Variants in ARHGEF17 observed in about 807,000 individuals in gnomAD.
ARHGEF17 encodes 164 kDa Rho-specific guanine-nucleotide exchange factor.
In ARHGEF17, 80 loss-of-function variants were observed where a neutral mutation model predicts 174.0. The ratio of observed to expected loss-of-function variants is 0.46; its 90% CI spans 0.38 to 0.55. The LOEUF is 0.55. Among genes scored for constraint, ARHGEF17 ranks in the 20% least tolerant of loss-of-function variants. The pLI, the probability that ARHGEF17 is intolerant of heterozygous loss-of-function variation, is 0.00. For synonymous variants in ARHGEF17, 1,311 were observed against 1,189.1 expected, an observed-to-expected ratio of 1.10 and a Z score of -2.11; for missense variants, 2,886 against 2,839.7, an observed-to-expected ratio of 1.02 and a Z score of -0.37.
chr11:73,354,607 C>G (rs572759054), intron 3 of ARHGEF17, among the ~76,000 whole-genome samples: 2 of 151,828 alleles, frequency 1.3e-5, no homozygotes, highest in Non-Finnish European at 2.9e-5. Context: ...CCAGCTACTC[C>G]GGAGGCTGAG....
intron 1 of ARHGEF17, among the ~76,000 whole-genome samples, chr11:73,325,697 T>G (rs1467084804): frequency 1.3e-5 from 2 of 152,208 alleles, no homozygotes; most frequent in Admixed American, 6.5e-5. Context: ...TGGAGTAGAT[T>G]GGGGCAGCCA....
chr11:73,362,097 G>A lies in ARHGEF17; in HGVS notation c.4552G>A (p.Val1518Ile). Reference sequence around the variant, plus strand: ...CCCGGAGCCCTCGCCTGAGGTATGGGTCTGCAACAGCGACGGCTACGTGGG... The same window carrying A: ...CCCGGAGCCCTCGCCTGAGGTATGGATCTGCAACAGCGACGGCTACGTGGG... ...SCPEPSPEVW[V>I]CNSDGYVGQV... The change falls in exon 13 of 21, where the codon GTC becomes ATC. Residue 1518 changes from valine to isoleucine, a missense_variant. Physicochemically the swap from Val to Ile is conservative, Grantham distance 29. Transcript: ENST00000263674. 1 of 1,612,804 alleles carries A rather than the reference G, an allele frequency of 6.2e-7. No individual in the cohort carries two copies. Among genetic ancestry groups the A allele is most frequent in the Non-Finnish European group, 8.5e-7 (1 of 1,179,918 alleles).
At chr11:73,349,473 G>C (rs961451091) in intron 2 of ARHGEF17, among the ~76,000 whole-genome samples, 60 of 152,066 alleles carry the variant, frequency 3.9e-4, no homozygotes, top group Non-Finnish European at 5.6e-4. Context: ...AAATCAGCTG[G>C]GTGTGGTGGC....
intron 1 of ARHGEF17, among the ~76,000 whole-genome samples, chr11:73,318,690 G>A (rs1276720905): frequency 6.6e-6 from 1 of 152,220 alleles, no homozygotes; most frequent in Non-Finnish European, 1.5e-5. Flanking sequence ...AGTGGAGCTT[G>A]AAGAAGCCGC....
chr11:73,317,415 C>T (rs1005826662), intron 1 of ARHGEF17, among the ~76,000 whole-genome samples: 1 of 151,930 alleles, frequency 6.6e-6, no homozygotes, highest in African/African-American at 2.4e-5. Flanking sequence ...CTGCCCAAGG[C>T]CCCAAAGCTT....
intron 1 of ARHGEF17, among the ~76,000 whole-genome samples, chr11:73,332,222 T>C (rs1865216073): frequency 6.6e-6 from 1 of 152,220 alleles, no homozygotes; most frequent in Non-Finnish European, 1.5e-5. Flanking sequence ...GAGGCACAGA[T>C]GTGGTCTTCT....
chr11:73,326,980 T>G (rs192463237), intron 1 of ARHGEF17, among the ~76,000 whole-genome samples: 1 of 152,294 alleles, frequency 6.6e-6, no homozygotes, highest in African/African-American at 2.4e-5. Context: ...CTCCCTTCAG[T>G]GTCTCTGCAG....
At chr11:73,350,183 C>CT (rs966540015) in intron 2 of ARHGEF17, among the ~76,000 whole-genome samples, 2 of 152,182 alleles carry the variant, frequency 1.3e-5, no homozygotes, top group African/African-American at 4.8e-5. Flanking sequence ...ATATTATATT[C>CT]TTTATACAAA....
chr11:73,309,979 G>A lies in ARHGEF17; in HGVS notation c.1341G>A (p.Arg447=). 6.2e-7 allele frequency: 1 copy of A among 1,614,070 alleles called. No individual in the cohort carries two copies. Among genetic ancestry groups the A allele is most frequent in the South Asian group, 1.1e-5 (1 of 91,086 alleles). ...KGPGGTSRAL[R]DGGFEPEKSR... is the part of the protein sequence containing the mutation. The stretch of plus-strand genomic sequence containing the variant: ...CTGGAGGCACCTCTAGGGCATTGAG[G>A]GATGGAGGATTTGAGCCTGAAAAGA... The change falls in exon 1 of 21, where the codon AGG becomes AGA. Residue 447 remains arginine, a synonymous_variant. Transcript: ENST00000263674.
In ARHGEF17 at chr11:73,308,619, C is replaced by G. The variant is rs980383204; in HGVS notation, c.-20C>G. 4 of 1,446,980 alleles carry G rather than the reference C, an allele frequency of 2.8e-6. No homozygotes were observed. The highest frequency in any genetic ancestry group is 3.0e-5 in the East Asian group (1 of 33,674). 89.6% of individuals were successfully genotyped at this position (1,446,980 alleles called of 1,614,324 possible). On this transcript the variant is annotated 5_prime_UTR_variant, in exon 1 of 21. Transcript: ENST00000263674. ...CCGCGGCTGCCCGAGGCCAGCCCCC[C>G]CGGAGTGAGTTACGCCACTATGGCG... is the stretch of plus-strand genomic sequence containing the variant.
At chr11:73,345,570 C>T (rs1865446887) in intron 1 of ARHGEF17, among the ~76,000 whole-genome samples, 1 of 152,132 alleles carries the variant, frequency 6.6e-6, no homozygotes, top group Non-Finnish European at 1.5e-5. Context: ...AAAACATGAG[C>T]CCTGGGCATA....
At chr11:73,355,730 G>A in intron 4 of ARHGEF17, 81 bp downstream of exon 4, 1 of 1,556,848 alleles carries the variant, frequency 6.4e-7, no homozygotes, top group Non-Finnish European at 8.9e-7. Flanking sequence ...CCCAGCGTGG[G>A]TACCATAGTC....
intron 1 of ARHGEF17, among the ~76,000 whole-genome samples, chr11:73,346,202 C>T (rs372508355): frequency 1.8e-4 from 27 of 152,280 alleles, no homozygotes; most frequent in African/African-American, 6.3e-4. Flanking sequence ...TAACATATAC[C>T]TCACAGGGTG....
intron 2 of ARHGEF17, chr11:73,347,343 C>G (rs1865480520): frequency 3.2e-6 from 1 of 317,102 alleles, no homozygotes; most frequent in African/African-American, 2.2e-5. Flanking sequence ...TGTGTGCAGG[C>G]CCTGTTCCAG....
At chr11:73,362,278 T>A (rs1003624649) in intron 13 of ARHGEF17, 39 bp downstream of exon 13, 21 of 1,473,156 alleles carry the variant, frequency 1.4e-5, no homozygotes, top group Non-Finnish European at 1.8e-5. Flanking sequence ...ACCGCGGGCC[T>A]GGGAGAACCA....
chr11:73,338,250 C>A (rs1865316523), intron 1 of ARHGEF17, among the ~76,000 whole-genome samples: 1 of 151,992 alleles, frequency 6.6e-6, no homozygotes, highest in African/African-American at 2.4e-5. Context: ...AGACTGAGGC[C>A]CCAAGAAGTG....
At position 73,364,200 on chromosome 11, in the gene ARHGEF17, C is replaced by T. The variant is rs938605527; in HGVS notation, c.5362C>T (p.Leu1788=). 2 of 1,614,040 alleles carry T rather than the reference C, an allele frequency of 1.2e-6. No homozygotes were observed. Among genetic ancestry groups the T allele is most frequent in the African/African-American group, 2.7e-5 (2 of 74,926 alleles). The change falls in exon 17 of 21, where the codon CTG becomes TTG. Residue 1788 remains leucine, a synonymous_variant. Coordinates refer to ENST00000263674, the MANE Select transcript of ARHGEF17 (RefSeq NM_014786.4). ...LYLNNQVFVS[L]ANGELVVYQR... ...TCTGAATAACCAGGTGTTTGTGTCT[C>T]TGGCCAATGGAGAGCTTGTGGTCTA...
Position 73,310,255 on chromosome 11 carries a change from C to T in ARHGEF17, c.1617C>T (p.Ala539=). 1 of 1,614,072 alleles carries T rather than the reference C, an allele frequency of 6.2e-7. No individual in the cohort carries two copies. Among genetic ancestry groups the T allele is most frequent in the Non-Finnish European group, 8.5e-7 (1 of 1,180,038 alleles). Residue 539 remains alanine, a synonymous_variant, in exon 1 of 21, where the codon GCC becomes GCT. Coordinates refer to ENST00000263674, the MANE Select transcript of ARHGEF17 (RefSeq NM_014786.4). ...GCCCCACACTCAAGGACTTGACAGC[C>T]ACTCTGCGGAGAGCAAAGTCATTCA... ...GTRPTLKDLT[A]TLRRAKSFTC...
rs1192905396 is a variant in ARHGEF17, at chr11:73,329,373, A to ATTT, written c.3193-17496_3193-17494dup. Among the ~76,000 whole-genome samples the ATTT allele has an allele frequency of 8.4e-4, 11 of 13,166 alleles. 1 individual carries two copies. Among genetic ancestry groups the ATTT allele is most frequent in the East Asian group, 4.6e-3 (2 of 432 alleles). 8.6% of individuals were successfully genotyped at this position (13,166 alleles called of 152,430 possible). A position where few individuals can be genotyped will look rare whatever the true frequency, so the allele number is the denominator to read the frequency against. ...TATATATATATATATATATATATAT[A>ATTT]TTTTTTTTTTTTTTTTGTATTTTGG... On this transcript the variant is annotated intron_variant, in intron 1 of 20. Coordinates refer to ENST00000263674, the MANE Select transcript of ARHGEF17 (RefSeq NM_014786.4).
Sources: gnomAD v4.1 joint callset for allele counts (sites outside exome capture counted in the v4.1 genomes callset) on GRCh38, gnomAD v4.1.1 for gene constraint, MANE v1.5 for transcripts, NCBI Gene and HGNC (gene_info 2026-07-23, HGNC 2026-07-21) for gene names.